The following COL4A4 variants were observed in gnomAD, a reference collection of about 807,000 sequenced individuals.
COL4A4 encodes collagen type IV alpha 4 chain.
In COL4A4, 105 loss-of-function variants were observed where a neutral mutation model predicts 192.9. The observed-to-expected ratio is 0.54, with a 90% CI of 0.46 to 0.64. The LOEUF (loss-of-function observed/expected upper bound fraction) is 0.64, where lower values mean the gene tolerates loss of function less well. Ranked by LOEUF, COL4A4 falls within the 30% of genes least tolerant of loss-of-function variation. COL4A4 has a pLI of 0.00. For synonymous variants in COL4A4, 762 were observed against 769.9 expected (o/e 0.99, Z 0.17); for missense variants, 1,967 against 2,169.3 (o/e 0.91, Z 1.85).
intron 20 of COL4A4, 64 bp downstream of exon 20, chr2:227,094,061 T>C (rs1440408369): frequency 7.1e-7 from 1 of 1,411,716 alleles, no homozygotes; most frequent in Admixed American, 1.9e-5. Context: ...TATGCTTTCT[T>C]AGTGGCACTG....
chr2:227,119,331 TAA>T (rs2061652851), intron 6 of COL4A4, among the ~76,000 whole-genome samples: 1 of 151,500 alleles, frequency 6.6e-6, no homozygotes, highest in African/African-American at 2.4e-5. Flanking sequence ...TGAGAAAATA[TAA>T]AAAGAGTTTG....
chr2:226,974,376 T>TA, the COL4A4 span, among the ~76,000 whole-genome samples: 27 of 152,164 alleles, frequency 1.8e-4, 1 homozygote, highest in South Asian at 5.4e-3. Context: ...TAGCTGGAAT[T>TA]ACAGGCGCCC....
chr2:227,089,995 A>G (rs749694410), intron 20 of COL4A4, 38 bp from the exon 21 acceptor site: 23 of 1,537,850 alleles, frequency 1.5e-5, no homozygotes, highest in Non-Finnish European at 2.1e-5. Flanking sequence ...AGAGAATCAC[A>G]TAATTTTTCT....
At position 227,030,500 on chromosome 2, in the gene COL4A4, G is replaced by C. The variant is rs1968047942; in HGVS notation, c.3916C>G (p.Pro1306Ala). 2 of 1,614,064 alleles carry C rather than the reference G, an allele frequency of 1.2e-6. 1 individual carries two copies. Among genetic ancestry groups the C allele is most frequent in the African/African-American group, 2.7e-5 (2 of 75,016 alleles). ...LPGPPGPPGP[P>A]GPPGYKGFPG... Reference sequence around the variant, plus strand: ...AAGCCTTTGTATCCTGGAGGGCCTGGTGGGCCAGGGGGACCTGGTGGCCCT... The same window carrying C: ...AAGCCTTTGTATCCTGGAGGGCCTGCTGGGCCAGGGGGACCTGGTGGCCCT... Residue 1306 changes from proline to alanine, a missense_variant, in exon 41 of 48, where the codon CCA (proline) becomes GCA (alanine). Coordinates refer to ENST00000396625, the MANE Select transcript of COL4A4 (RefSeq NM_000092.5).
At chr2:227,146,283 CT>C (rs11331158) in intron 2 of COL4A4, among the ~76,000 whole-genome samples, 82,623 of 147,630 alleles carry the variant, frequency 0.56, 24,648 homozygotes, top group African/African-American at 0.8. Flanking sequence ...AAGATCATTC[CT>C]TTTTTTTTTT....
intron 24 of COL4A4, among the ~76,000 whole-genome samples, chr2:227,079,430 C>T (rs982274093): frequency 6.6e-6 from 1 of 152,164 alleles, no homozygotes; most frequent in African/African-American, 2.4e-5. Context: ...GATTACCAAG[C>T]CTAAAGCAGA....
Position 227,143,413 on chromosome 2 carries a change from G to A in COL4A4, c.114+1103C>T, listed in dbSNP as rs140486834. Among the ~76,000 whole-genome samples the A allele has an allele frequency of 1.4e-3, 211 of 152,158 alleles. 1 individual carries two copies. Among genetic ancestry groups the A allele is most frequent in the African/African-American group, 5.0e-3 (206 of 41,494 alleles). The stretch of plus-strand genomic sequence containing the variant: ...AAATCCGGATGGGTAATACCAAATC[G>A]CTTCCCACAGACATCGCATCGATTT... On this transcript the variant is annotated intron_variant, in intron 3 of 47. Coordinates refer to ENST00000396625, the MANE Select transcript of COL4A4 (RefSeq NM_000092.5).
In COL4A4 at chr2:227,099,699, T is replaced by C. The variant is rs2060400135; in HGVS notation, c.1030-10A>G. 6.2e-7 allele frequency: 1 copy of C among 1,611,800 alleles called. No individual in the cohort carries two copies. The highest frequency in any genetic ancestry group is 8.5e-7 in the Non-Finnish European group (1 of 1,177,990). On this transcript the variant is annotated splice_polypyrimidine_tract_variant and intron_variant, in intron 17 of 47. Coordinates refer to ENST00000396625, the MANE Select transcript of COL4A4 (RefSeq NM_000092.5). ...GATTTCCAGGATCCCCCTGAAATCA[T>C]TCATTCATTCACTTTTTAAAGGAAT... is the stretch of plus-strand genomic sequence containing the variant.
chr2:227,077,688 T>G (rs1239686661), intron 25 of COL4A4, among the ~76,000 whole-genome samples: 2 of 147,006 alleles, frequency 1.4e-5, no homozygotes, highest in African/African-American at 5.2e-5. Flanking sequence ...AGAAAAACAC[T>G]TGAATACTGA....
rs193026218 is a variant in COL4A4 at position 227,014,685 on chromosome 2, A to G, written c.4217-2388T>C. Among the ~76,000 whole-genome samples, 102 of 152,140 alleles carry G rather than the reference A, an allele frequency of 6.7e-4. 1 individual carries two copies. Among genetic ancestry groups the G allele is most frequent in the African/African-American group, 2.3e-3 (94 of 41,526 alleles). ...TTATGAACATATGTCATCTACTTCC[A>G]GAATCTCTGCTCTTTTATTTCTTTT... On this transcript the variant is annotated intron_variant, in intron 44 of 47. Coordinates refer to ENST00000396625, the MANE Select transcript of COL4A4 (RefSeq NM_000092.5).
the COL4A4 span, among the ~76,000 whole-genome samples, chr2:226,968,171 G>T: frequency 2.0e-5 from 3 of 152,182 alleles, no homozygotes; most frequent in Admixed American, 2.0e-4. Context: ...AGCTGGAAAT[G>T]ATATAAGAGT....
intron 44 of COL4A4, among the ~76,000 whole-genome samples, chr2:227,013,666 T>G (rs1040336723): frequency 6.6e-6 from 1 of 152,226 alleles, no homozygotes; most frequent in Non-Finnish European, 1.5e-5. Flanking sequence ...TGAAAAATTG[T>G]CTGTTGTTTA....
chr2:227,050,373 G>A (rs1184822455), intron 33 of COL4A4, among the ~76,000 whole-genome samples: 1 of 152,176 alleles, frequency 6.6e-6, no homozygotes, highest in Non-Finnish European at 1.5e-5. Flanking sequence ...ACACTTGGTT[G>A]TGAAACAGTA....
At chr2:227,116,858 C>A (rs1035036205) in intron 7 of COL4A4, among the ~76,000 whole-genome samples, 6 of 152,124 alleles carry the variant, frequency 3.9e-5, no homozygotes, top group Admixed American at 3.9e-4. Context: ...TATCATACTT[C>A]CTCAAAACAT....
At chr2:227,039,898 G>A (rs1047083304) in intron 37 of COL4A4, among the ~76,000 whole-genome samples, 2 of 152,192 alleles carry the variant, frequency 1.3e-5, no homozygotes, top group Admixed American at 1.3e-4. Context: ...AAGTGTCAAT[G>A]AAGACGGAGA....
At chr2:227,133,949 C>A (rs1327979237) in intron 4 of COL4A4, among the ~76,000 whole-genome samples, 1 of 151,966 alleles carries the variant, frequency 6.6e-6, no homozygotes, top group African/African-American at 2.4e-5. Flanking sequence ...CAAGCCTACA[C>A]AGATCATCCT....
chr2:227,014,241 A>G (rs534760047), intron 44 of COL4A4, among the ~76,000 whole-genome samples: 9 of 152,264 alleles, frequency 5.9e-5, no homozygotes, highest in East Asian at 5.8e-4. Context: ...CAGAACCCCA[A>G]TGACATTCTG....
the COL4A4 span, among the ~76,000 whole-genome samples, chr2:226,987,668 G>T: frequency 6.6e-6 from 1 of 152,372 alleles, no homozygotes; most frequent in South Asian, 2.1e-4. Context: ...AGGGGCCTGA[G>T]GCCCAGGGAG....
At position 227,008,341 on chromosome 2, in the gene COL4A4, A is replaced by T. The variant is rs756635726; in HGVS notation, c.4523-37T>A. On this transcript the variant is annotated intron_variant, in intron 46 of 47. Transcript: ENST00000396625. ...AAGAAGAGACAGCTGGTGTCCAAGC[A>T]CCCCATGTAGGTGTTCCCAGACCCT... The T allele has an allele frequency of 1.9e-6, 3 of 1,608,660 alleles. No homozygotes were observed. The South Asian group carries it at 3.3e-5, about 18-fold the overall frequency.
Sources: gnomAD v4.1 joint callset for allele counts (sites outside exome capture counted in the v4.1 genomes callset) on GRCh38, gnomAD v4.1.1 for gene constraint, MANE v1.5 for transcripts, NCBI Gene and HGNC (gene_info 2026-07-23, HGNC 2026-07-21) for gene names.